GPR161: variants seen among roughly 807,000 people sequenced by gnomAD.
GPR161 encodes the protein G protein-coupled receptor 161, also known as G-protein coupled receptor RE2.
A neutral mutation model predicts 39.2 loss-of-function variants in GPR161; 25 were observed. The observed-to-expected ratio is 0.64, with a 90% CI of 0.47 to 0.89. The LOEUF is 0.89. Among genes scored for constraint, GPR161 ranks in the 40% least tolerant of loss-of-function variants. The probability of loss-of-function intolerance (pLI) is 0.00; values close to 1 mark genes in which losing one functional copy is unlikely to be tolerated. For missense variants in GPR161, 547 were observed against 677.8 expected, an observed-to-expected ratio of 0.81 and a Z score of 2.14; for synonymous variants, 286 against 276.6, an observed-to-expected ratio of 1.03 and a Z score of -0.34.
intron 1 of GPR161, among the ~76,000 whole-genome samples, chr1:168,121,417 CG>C (rs911044674): frequency 6.6e-6 from 1 of 152,142 alleles, no homozygotes; most frequent in African/African-American, 2.4e-5. Context: ...CATAGACTGT[CG>C]GTGAATTTTT....
At chr1:168,096,472 G>A in intron 3 of GPR161, 36 bp downstream of exon 3, 1 of 1,588,010 alleles carries the variant, frequency 6.3e-7, no homozygotes, top group South Asian at 1.2e-5. Flanking sequence ...GATTTCATCT[G>A]CCTCGGAGGG....
intron 1 of GPR161, among the ~76,000 whole-genome samples, chr1:168,129,534 C>T (rs1433689987): frequency 6.6e-6 from 1 of 152,102 alleles, no homozygotes; most frequent in African/African-American, 2.4e-5. Flanking sequence ...GCAGGGACCC[C>T]AGTTAGGAGG....
Position 168,085,518 on chromosome 1 carries a change from C to T in GPR161, c.*13G>A, listed in dbSNP as rs1303531028. On this transcript the variant is annotated 3_prime_UTR_variant, in exon 6 of 6. Coordinates refer to ENST00000682931, the MANE Select transcript of GPR161 (RefSeq NM_001375883.1). ...AGCCTCTCAGGCTGCAGCCCCACGGCACCCTGAGGCCCTCATCTCTGCTCG... is the reference window on the plus strand; with the variant it reads ...AGCCTCTCAGGCTGCAGCCCCACGGTACCCTGAGGCCCTCATCTCTGCTCG... The T allele has an allele frequency of 1.2e-6, 2 of 1,601,222 alleles. No homozygotes were observed. The highest frequency in any genetic ancestry group is 2.2e-5 in the East Asian group (1 of 44,606).
rs916235566 is a variant in GPR161, at chr1:168,098,554, C to T, written c.375-1322G>A. ...TCACACATCGCCTGGGAAGGTGGCT[C>T]CTCCACAGGGACCGCCCTGAGTCAC... On this transcript the variant is annotated intron_variant, in intron 2 of 5. Coordinates refer to ENST00000682931, the MANE Select transcript of GPR161 (RefSeq NM_001375883.1). The surrounding 1 kb of genome is among the most constrained non-coding windows in gnomAD (Gnocchi z 4.1). Among the ~76,000 whole-genome samples the T allele has an allele frequency of 3.3e-5, 5 of 152,232 alleles. No individual in the cohort carries two copies. The highest frequency in any genetic ancestry group is 9.6e-5 in the African/African-American group (4 of 41,466).
chr1:168,096,871 T>A lies in GPR161; in HGVS notation c.736A>T (p.Thr246Ser). ...TTCCTCCTGCTGCCTGAAGAGGAGG[T>A]GGAGGTGCTGGAGTTCTTCCTCCCG... ...RTGRKNSSTSTSSSGSRRNAF... is the reference protein window; with the variant it reads ...RTGRKNSSTSSSSSGSRRNAF... The change falls in exon 3 of 6, where the codon ACC (threonine) becomes TCC (serine). Residue 246 changes from threonine (T) to serine (S), a missense_variant. Coordinates refer to ENST00000682931, the MANE Select transcript of GPR161 (RefSeq NM_001375883.1). The A allele has an allele frequency of 6.2e-7, 1 of 1,613,706 alleles. No homozygotes were observed. The highest frequency in any genetic ancestry group is 8.5e-7 in the Non-Finnish European group (1 of 1,179,934).
rs1693999402 is a variant in GPR161 at position 168,080,610 on chromosome 1, G to T, written c.*4921C>A. 1 of 152,256 alleles carries T rather than the reference G, an allele frequency of 6.6e-6. No individual in the cohort carries two copies. The highest frequency in any genetic ancestry group is 6.5e-5 in the Admixed American group (1 of 15,280). 9.4% of individuals were successfully genotyped at this position (152,256 alleles called of 1,614,324 possible). A position where few individuals can be genotyped will look rare whatever the true frequency, so the allele number is the denominator to read the frequency against. On this transcript the variant is annotated 3_prime_UTR_variant, in exon 6 of 6. Coordinates refer to ENST00000682931, the MANE Select transcript of GPR161 (RefSeq NM_001375883.1). The stretch of plus-strand genomic sequence containing the variant: ...CCTCTTAGGGGCTTGGAGGATTAGG[G>T]ATTCTGTGAACCCAAGAGCCACAGC...
chr1:168,137,134 C>T (rs1318640963), upstream of GPR161: 2 of 1,239,866 alleles, frequency 1.6e-6, no homozygotes, highest in African/African-American at 1.6e-5. Flanking sequence ...CCACGAACAG[C>T]CTCGGCTGCT....
Position 168,104,733 on chromosome 1 carries a change from A to C in GPR161, c.118T>G (p.Phe40Val). ...ATGACCAGGTTTCCCAGGCAGACAA[A>C]AATGGTGATGACAATGATGGCGATG... is the stretch of plus-strand genomic sequence containing the variant. ...QFIAIIVITI[F>V]VCLGNLVIVV... is the part of the protein sequence containing the mutation. Residue 40 changes from phenylalanine (F) to valine (V), a missense_variant, in exon 2 of 6, where the codon TTT becomes GTT. Coordinates refer to ENST00000682931, the MANE Select transcript of GPR161 (RefSeq NM_001375883.1). The C allele has an allele frequency of 6.2e-7, 1 of 1,614,028 alleles. No homozygotes were observed. The highest frequency in any genetic ancestry group is 8.5e-7 in the Non-Finnish European group (1 of 1,180,004).
At chr1:168,126,103 G>A (rs932800408) in intron 1 of GPR161, among the ~76,000 whole-genome samples, 6 of 152,152 alleles carry the variant, frequency 3.9e-5, no homozygotes, top group Admixed American at 1.3e-4. Context: ...ATGCTATTGC[G>A]GTCAATAGAA....
At chr1:168,120,241 T>C (rs1698055020) in intron 1 of GPR161, among the ~76,000 whole-genome samples, 2 of 152,214 alleles carry the variant, frequency 1.3e-5, no homozygotes, top group Admixed American at 6.5e-5. Context: ...GCCCTGGATG[T>C]GAGACATAGA....
At chr1:168,093,406 T>C (rs377299367) in intron 3 of GPR161, among the ~76,000 whole-genome samples, 13 of 152,120 alleles carry the variant, frequency 8.5e-5, no homozygotes, top group African/African-American at 2.9e-4. Flanking sequence ...CTGCTAGATA[T>C]AAAGGACACA....
At chr1:168,125,011 C>A (rs545801638) in intron 1 of GPR161, among the ~76,000 whole-genome samples, 1 of 152,312 alleles carries the variant, frequency 6.6e-6, no homozygotes, top group South Asian at 2.1e-4. Flanking sequence ...TCCTGTATAG[C>A]AACACAAAAT....
intron 1 of GPR161, among the ~76,000 whole-genome samples, chr1:168,114,941 TCTCACTGATGGGGCTAGGGATG>T (rs1697501059): frequency 6.6e-6 from 1 of 151,828 alleles, no homozygotes. Context: ...GGCTAGAGAG[TCTCACTGATGGGGCTAGGGATG>T]CTCACATGAC....
chr1:168,104,554 C>T lies in GPR161; in HGVS notation c.297G>A (p.Trp99Ter). The T allele has an allele frequency of 6.2e-7, 1 of 1,614,056 alleles. No individual in the cohort carries two copies. Among genetic ancestry groups the T allele is most frequent in the Non-Finnish European group, 8.5e-7 (1 of 1,179,960 alleles). ...IRREWIFGVVWCNFSALLYLL... is the reference protein window; with the variant it reads ...IRREWIFGVV ...GGTAGAGGAGGGCAGAGAAGTTGCACCACACTACACCAAAGATCCATTCCC... is the reference window on the plus strand; with the variant it reads ...GGTAGAGGAGGGCAGAGAAGTTGCATCACACTACACCAAAGATCCATTCCC... Residue 99 changes from tryptophan (W) to a stop codon, truncating the protein, a stop_gained, in exon 2 of 6, where the codon TGG becomes TGA. Transcript: ENST00000682931. LOFTEE classifies it high-confidence loss of function.
At chr1:168,137,276 A>G (rs1456059141), upstream of GPR161, 4 of 1,501,764 alleles carry the variant, frequency 2.7e-6, no homozygotes, top group Non-Finnish European at 3.5e-6. Flanking sequence ...CGCCTTTTCC[A>G]TGTCTCTCTC....
Position 168,080,003 on chromosome 1 carries a change from T to C in GPR161, c.*5528A>G, listed in dbSNP as rs374258820. ...AGAGAAATGAACATAGCTTTGTGTA[T>C]TGCATTCTAAAAATAACACCAAAAT... On this transcript the variant is annotated 3_prime_UTR_variant, in exon 6 of 6. Coordinates refer to ENST00000682931, the MANE Select transcript of GPR161 (RefSeq NM_001375883.1). 6.6e-5 allele frequency: 10 copies of C among 152,246 alleles called. No homozygotes were observed. Among genetic ancestry groups the C allele is most frequent in the African/African-American group, 2.2e-4 (9 of 41,468 alleles). 9.4% of individuals were successfully genotyped at this position (152,246 alleles called of 1,614,324 possible).
chr1:168,123,778 T>A (rs1031474318), intron 1 of GPR161, among the ~76,000 whole-genome samples: 2 of 152,132 alleles, frequency 1.3e-5, no homozygotes, highest in Non-Finnish European at 2.9e-5. Flanking sequence ...GGAAGTCCCA[T>A]GCAATAGAAA....
intron 2 of GPR161, among the ~76,000 whole-genome samples, chr1:168,101,895 C>A (rs945373155): frequency 1.4e-5 from 2 of 142,604 alleles, no homozygotes; most frequent in Non-Finnish European, 3.1e-5. Context: ...CAACCCCTGC[C>A]TACCGGGTTC....
At chr1:168,136,569 C>A (rs6697221) in intron 1 of GPR161, 170 bp downstream of exon 1, 6 of 1,243,814 alleles carry the variant, frequency 4.8e-6, no homozygotes, top group Non-Finnish European at 6.0e-6. Context: ...GGGCGGAGGA[C>A]AGCCCTGACC....
Sources: allele counts gnomAD v4.1 joint callset (sites outside exome capture counted in the v4.1 genomes callset), GRCh38; gene constraint gnomAD v4.1.1; non-coding constraint Gnocchi (gnomAD v3.1); transcripts MANE v1.5; gene names NCBI Gene and HGNC (gene_info 2026-07-23, HGNC 2026-07-21).